The following CDIN1 variants were observed in gnomAD, a reference collection of about 807,000 sequenced individuals.
The protein encoded by CDIN1 is CDAN1 interacting nuclease 1.
In CDIN1, 33 loss-of-function variants were observed where a neutral mutation model predicts 45.3. The observed-to-expected ratio is 0.73, with a 90% CI of 0.55 to 0.97. The LOEUF is 0.97. CDIN1 is among the 50% of genes least tolerant of loss of function. The pLI, the probability that CDIN1 is intolerant of heterozygous loss-of-function variation, is 0.00. For synonymous variants in CDIN1, 118 were observed against 124.4 expected, an observed-to-expected ratio of 0.95 and a Z score of 0.34; for missense variants, 303 against 339.4, an observed-to-expected ratio of 0.89 and a Z score of 0.84.
At chr15:36,617,794 C>A (rs1302797809) in intron 1 of CDIN1, 4 of 805,698 alleles carry the variant, frequency 5.0e-6, no homozygotes, top group Middle Eastern at 2.4e-4. Context: ...CACACAGTAG[C>A]AGCTGGTATA....
Position 36,808,570 on chromosome 15 carries a change from G to C in CDIN1, c.*117G>C. 2 of 1,356,706 alleles carry C rather than the reference G, an allele frequency of 1.5e-6. No homozygotes were observed. The highest frequency in any genetic ancestry group is 2.0e-6 in the Non-Finnish European group (2 of 994,088). The allele number at this position is 1,356,706 out of a possible 1,614,324, so 84.0% of individuals were successfully genotyped here. A position where few individuals can be genotyped will look rare whatever the true frequency, so the allele number is the denominator to read the frequency against. ...CCTGAACTTCAGCTGAACTCTTGCT[G>C]CCCGTAGTCACACCACTACCTCTTT... On this transcript the variant is annotated 3_prime_UTR_variant, in exon 11 of 11. Coordinates refer to ENST00000566621, the MANE Select transcript of CDIN1 (RefSeq NM_001321759.2).
intron 10 of CDIN1, among the ~76,000 whole-genome samples, chr15:36,779,770 C>A (rs2141049910): frequency 6.6e-6 from 1 of 152,274 alleles, no homozygotes; most frequent in South Asian, 2.1e-4. Flanking sequence ...ATTGCAGTTT[C>A]TTTTCCAAAG....
intron 7 of CDIN1, 135 bp from the exon 8 acceptor site, chr15:36,697,188 G>C: frequency 1.4e-6 from 1 of 717,038 alleles, no homozygotes; most frequent in African/African-American, 1.8e-5. Context: ...TAAATGAGGG[G>C]ATGTGTGTAG....
chr15:36,668,069 A>G (rs184009050), intron 5 of CDIN1: 5 of 152,264 alleles, frequency 3.3e-5, no homozygotes, highest in Non-Finnish European at 7.4e-5. Flanking sequence ...TGTCTTCTTC[A>G]CTAAGCCACC....
rs142547645 is a variant in CDIN1 at position 36,678,239 on chromosome 15, A to C, written c.347-13446A>C. Among the ~76,000 whole-genome samples, 717 of 152,314 alleles carry C rather than the reference A, an allele frequency of 4.7e-3. 8 individuals carry two copies. The highest frequency in any genetic ancestry group is 0.017 in the African/African-American group (691 of 41,576). ...ATTCTTGAGGAGTAGTTCCAACTGC[A>C]AGGGCAAGTAGGCTCCTGCAGGCCA... On this transcript the variant is annotated intron_variant, in intron 5 of 10. Transcript: ENST00000566621.
chr15:36,639,381 GA>G (rs1220733843), intron 1 of CDIN1, among the ~76,000 whole-genome samples: 4 of 148,842 alleles, frequency 2.7e-5, no homozygotes, highest in Non-Finnish European at 6.0e-5. Flanking sequence ...CAAGGTGGGG[GA>G]TCACTTGAGG....
chr15:36,598,054 A>G (rs1052848618), intron 1 of CDIN1, among the ~76,000 whole-genome samples: 7 of 152,148 alleles, frequency 4.6e-5, no homozygotes, highest in African/African-American at 1.7e-4. Context: ...GCAGTGGTGC[A>G]ATGTCAGCTC....
chr15:36,677,951 C>G (rs1481264129), intron 5 of CDIN1, among the ~76,000 whole-genome samples: 3 of 152,126 alleles, frequency 2.0e-5, no homozygotes, highest in African/African-American at 7.2e-5. Flanking sequence ...CTGCAAGTTG[C>G]CTGAGACAAG....
In CDIN1 at chr15:36,604,418, T is replaced by TACACACACACACACACACACAC. The variant is rs144533313; in HGVS notation, c.101+24475_101+24496dup. Among the ~76,000 whole-genome samples, 250 of 128,842 alleles carry TACACACACACACACACACACAC rather than the reference T, an allele frequency of 1.9e-3. 3 individuals are homozygous for TACACACACACACACACACACAC. Among genetic ancestry groups the TACACACACACACACACACACAC allele is most frequent in the East Asian group, 4.2e-3 (17 of 4,032 alleles). 84.5% of individuals were successfully genotyped at this position (128,842 alleles called of 152,430 possible). Reference sequence around the variant, plus strand: ...ATGTTCTTCTATGACTTTTAAAAGGTACACACACACACACACACACACACA... The same window carrying TACACACACACACACACACACAC: ...ATGTTCTTCTATGACTTTTAAAAGGTACACACACACACACACACACACACACACACACACACACACACACACA... On this transcript the variant is annotated intron_variant, in intron 1 of 10. Transcript: ENST00000566621.
chr15:36,618,137 A>G, intron 1 of CDIN1: 1 of 717,130 alleles, frequency 1.4e-6, no homozygotes, highest in South Asian at 1.5e-5. Context: ...TGTGAATGGC[A>G]TTAATTCACC....
chr15:36,639,259 T>C (rs1303865253), intron 1 of CDIN1, among the ~76,000 whole-genome samples: 2 of 151,888 alleles, frequency 1.3e-5, no homozygotes, highest in South Asian at 2.1e-4. Context: ...TTGAAAATAT[T>C]TGGGGAAAAA....
intron 7 of CDIN1, among the ~76,000 whole-genome samples, chr15:36,696,754 C>T (rs147554228): frequency 4.1e-4 from 63 of 152,086 alleles, no homozygotes; most frequent in African/African-American, 1.5e-3. Context: ...AAATGACTCT[C>T]CTTCTTTTCA....
chr15:36,760,729 C>CTGG (rs1163316870), intron 10 of CDIN1, among the ~76,000 whole-genome samples: 2 of 152,060 alleles, frequency 1.3e-5, no homozygotes, highest in Admixed American at 6.6e-5. Context: ...GGTGGTGGTG[C>CTGG]TGGTGGTGGT....
intron 5 of CDIN1, among the ~76,000 whole-genome samples, chr15:36,686,793 A>T (rs1381631946): frequency 7.1e-6 from 1 of 141,352 alleles, no homozygotes; most frequent in Admixed American, 7.1e-5. Context: ...AGAGGGACAG[A>T]CAGAAGGATG....
chr15:36,746,880 G>C (rs1005001194), intron 10 of CDIN1: 2 of 368,996 alleles, frequency 5.4e-6, no homozygotes, highest in Non-Finnish European at 9.5e-6. Flanking sequence ...CTCCCAAGTA[G>C]CTGGGACTGC....
chr15:36,758,835 C>T (rs999906140), intron 10 of CDIN1, among the ~76,000 whole-genome samples: 1 of 152,156 alleles, frequency 6.6e-6, no homozygotes, highest in African/African-American at 2.4e-5. Context: ...ATCTGTTAAA[C>T]TTCTCAGTAT....
intron 10 of CDIN1, among the ~76,000 whole-genome samples, chr15:36,800,765 C>G (rs977521646): frequency 6.6e-6 from 1 of 150,806 alleles, no homozygotes; most frequent in African/African-American, 2.4e-5. Context: ...CCAACAGCCA[C>G]ATGTCTGCAC....
At chr15:36,712,800 G>C (rs1196029670) in intron 10 of CDIN1, among the ~76,000 whole-genome samples, 1 of 152,044 alleles carries the variant, frequency 6.6e-6, no homozygotes, top group Non-Finnish European at 1.5e-5. Context: ...CCAAGACCCA[G>C]TTATGAACCT....
intron 1 of CDIN1, chr15:36,619,065 T>C: frequency 8.1e-7 from 1 of 1,240,222 alleles, no homozygotes; most frequent in Non-Finnish European, 1.1e-6. Flanking sequence ...ATGAAGCTCC[T>C]TAGAAGTCCC....
Sources: gnomAD v4.1 joint callset for allele counts (sites outside exome capture counted in the v4.1 genomes callset) on GRCh38, gnomAD v4.1.1 for gene constraint, MANE v1.5 for transcripts, NCBI Gene and HGNC (gene_info 2026-07-23, HGNC 2026-07-21) for gene names.